PCDHA6: variants seen among roughly 807,000 people sequenced by gnomAD.
The protein encoded by PCDHA6 is protocadherin alpha 6.
A neutral mutation model predicts 60.3 loss-of-function variants in PCDHA6; 55 were observed. The ratio of observed to expected loss-of-function variants is 0.91; its 90% CI spans 0.73 to 1.14. The LOEUF is 1.14. PCDHA6 is among the 50% of genes most tolerant of loss of function. The pLI, the probability that PCDHA6 is intolerant of heterozygous loss-of-function variation, is 0.00. For missense variants in PCDHA6, 1,327 were observed against 1,256.5 expected (o/e 1.06, Z -0.85); for synonymous variants, 652 against 557.9 (o/e 1.17, Z -2.38).
intron 1 of PCDHA6, chr5:140,856,833 G>T (rs1554149194): frequency 1.9e-6 from 3 of 1,591,548 alleles, no homozygotes; most frequent in Admixed American, 1.7e-5. Flanking sequence ...TTAGTAATAC[G>T]GCTCAACGCT....
intron 1 of PCDHA6, among the ~76,000 whole-genome samples, chr5:140,938,340 T>A (rs1210571018): frequency 6.6e-6 from 1 of 152,224 alleles, no homozygotes; most frequent in Non-Finnish European, 1.5e-5. Flanking sequence ...TAATGGATAA[T>A]CTTGTCTTAT....
chr5:140,942,497 G>A (rs189402882), intron 1 of PCDHA6, among the ~76,000 whole-genome samples: 1 of 152,040 alleles, frequency 6.6e-6, no homozygotes, highest in Admixed American at 6.6e-5. Context: ...TAAATACATG[G>A]TATCTAGGAA....
intron 1 of PCDHA6, chr5:140,861,770 C>T (rs2047074115): frequency 6.2e-6 from 1 of 161,486 alleles, no homozygotes; most frequent in African/African-American, 2.4e-5. Flanking sequence ...CCTGGAAATA[C>T]CAAGAGCAGG....
intron 1 of PCDHA6, chr5:140,926,922 T>A: frequency 6.4e-7 from 1 of 1,570,576 alleles, no homozygotes; most frequent in Non-Finnish European, 8.7e-7. Flanking sequence ...CAGTTTTATG[T>A]TTGTGGGTTT....
chr5:140,970,854 T>TC (rs112843531), intron 1 of PCDHA6, among the ~76,000 whole-genome samples: 13,960 of 152,238 alleles, frequency 0.092, 852 homozygotes, highest in African/African-American at 0.17. Context: ...GCACAAAAGT[T>TC]CCATTCCTGA....
At chr5:140,861,660 G>C (rs1410564922) in intron 1 of PCDHA6, 1 of 269,190 alleles carries the variant, frequency 3.7e-6, no homozygotes, top group Admixed American at 4.3e-5. Context: ...TCTGAAACGA[G>C]AGCTCTTGAT....
At chr5:140,917,118 G>A (rs961408905) in intron 1 of PCDHA6, among the ~76,000 whole-genome samples, 2 of 152,106 alleles carry the variant, frequency 1.3e-5, no homozygotes, top group African/African-American at 2.4e-5. Context: ...CTCCAAGTGC[G>A]CAGACTCCCC....
intron 1 of PCDHA6, among the ~76,000 whole-genome samples, chr5:140,890,896 T>A (rs2062845405): frequency 6.6e-6 from 1 of 152,182 alleles, no homozygotes; most frequent in African/African-American, 2.4e-5. Context: ...ATTATTGTCT[T>A]TCCATGTTAG....
At chr5:140,884,312 G>A in intron 1 of PCDHA6, 1 of 1,613,768 alleles carries the variant, frequency 6.2e-7, no homozygotes, top group Non-Finnish European at 8.5e-7. Context: ...TTCGTCGAGG[G>A]CGTCGGCAGG....
intron 1 of PCDHA6, chr5:140,969,200 G>C (rs2096305926): frequency 1.2e-6 from 2 of 1,614,132 alleles, no homozygotes; most frequent in Non-Finnish European, 1.7e-6. Flanking sequence ...TTACAATACA[G>C]GGGCCCAGAC....
At chr5:140,900,013 T>A (rs1351991303) in intron 1 of PCDHA6, among the ~76,000 whole-genome samples, 1 of 152,062 alleles carries the variant, frequency 6.6e-6, no homozygotes, top group Admixed American at 6.6e-5. Flanking sequence ...TCTCACTTTG[T>A]TACCCAGTTT....
chr5:141,005,335 G>A, intron 3 of PCDHA6, among the ~76,000 whole-genome samples: 1 of 152,148 alleles, frequency 6.6e-6, no homozygotes, highest in Middle Eastern at 3.2e-3. Context: ...ATAGGCCAAG[G>A]GGGTGCTGCT....
chr5:140,840,744 A>T (rs2150309255), intron 1 of PCDHA6, among the ~76,000 whole-genome samples: 1 of 152,224 alleles, frequency 6.6e-6, no homozygotes, highest in Non-Finnish European at 1.5e-5. Flanking sequence ...ATTTAACAAT[A>T]AGAACACAAG....
At chr5:140,882,294 C>T (rs1554173437) in intron 1 of PCDHA6, 1 of 1,613,662 alleles carries the variant, frequency 6.2e-7, no homozygotes. Flanking sequence ...CAAGGAGGCC[C>T]AAGACCGCGG....
Position 140,828,515 on chromosome 5 carries a change from A to G in PCDHA6, c.424A>G (p.Ile142Val). The G allele has an allele frequency of 1.9e-6, 3 of 1,614,156 alleles. No individual in the cohort carries two copies. Among genetic ancestry groups the G allele is most frequent in the Non-Finnish European group, 2.5e-6 (3 of 1,180,026 alleles). ...LFPVEEQRVL[I>V]YESRLPDSVF... ...CCCGGTAGAGGAACAAAGAGTGCTG[A>G]TTTACGAATCTAGGCTGCCAGATTC... Residue 142 changes from isoleucine (I) to valine (V), a missense_variant, in exon 1 of 4, where the codon ATT becomes GTT. Transcript: ENST00000529310.
chr5:140,843,844 A>G lies in PCDHA6; in HGVS notation c.2394+13359A>G, dbSNP rs2150367130. Reference sequence around the variant, plus strand: ...TTTAAACATTGTTTAGTTTTTAGAAACCTTTTATAATTAATTGAATTTTCT... The same window carrying G: ...TTTAAACATTGTTTAGTTTTTAGAAGCCTTTTATAATTAATTGAATTTTCT... On this transcript the variant is annotated intron_variant, in intron 1 of 3. Coordinates refer to ENST00000529310, the MANE Select transcript of PCDHA6 (RefSeq NM_018909.4). 3.0e-6 allele frequency: 3 copies of G among 1,001,290 alleles called. No individual in the cohort carries two copies. The East Asian group carries it at 7.5e-5, about 25-fold the overall frequency. 62.0% of individuals were successfully genotyped at this position (1,001,290 alleles called of 1,614,324 possible). A position where few individuals can be genotyped will look rare whatever the true frequency, so the allele number is the denominator to read the frequency against.
Position 140,829,950 on chromosome 5 carries a change from T to C in PCDHA6, c.1859T>C (p.Phe620Ser), listed in dbSNP as rs1770704660. The C allele has an allele frequency of 6.2e-7, 1 of 1,613,960 alleles. No homozygotes were observed. Among genetic ancestry groups the C allele is most frequent in the Non-Finnish European group, 8.5e-7 (1 of 1,179,912 alleles). The change falls in exon 1 of 4, where the codon TTC becomes TCC. Residue 620 changes from phenylalanine (F) to serine (S), a missense_variant. By Grantham distance (155) the Phe-to-Ser change is radical (BLOSUM62 -2). Coordinates refer to ENST00000529310, the MANE Select transcript of PCDHA6 (RefSeq NM_018909.4). ...CAGCCCCCGGCAAGCAGCGCTCGCTTCCCGTTTCGCGTGGGGCTGTACACG... is the reference window on the plus strand; with the variant it reads ...CAGCCCCCGGCAAGCAGCGCTCGCTCCCCGTTTCGCGTGGGGCTGTACACG... ...ELQPPASSAR[F>S]PFRVGLYTGE...
At chr5:140,842,303 C>T (rs1554138957) in intron 1 of PCDHA6, 2 of 1,608,454 alleles carry the variant, frequency 1.2e-6, no homozygotes, top group Non-Finnish European at 1.7e-6. Context: ...CAAAGGCCAT[C>T]CTCCCATGGC....
chr5:140,834,198 C>A, intron 1 of PCDHA6: 3 of 594,856 alleles, frequency 5.0e-6, no homozygotes, highest in East Asian at 2.8e-5. Flanking sequence ...CGCTCTTTAC[C>A]GCAAATTCTT....
Sources: allele counts gnomAD v4.1 joint callset (sites outside exome capture counted in the v4.1 genomes callset), GRCh38; gene constraint gnomAD v4.1.1; transcripts MANE v1.5; gene names NCBI Gene and HGNC (gene_info 2026-07-23, HGNC 2026-07-21).